The following TANC2 variants were observed in gnomAD, a reference collection of about 807,000 sequenced individuals.
TANC2 encodes protein TANC2.
In TANC2, 26 loss-of-function variants were observed where a neutral mutation model predicts 210.5. That is an observed-to-expected ratio of 0.12 (90% CI 0.09 to 0.17). The LOEUF (loss-of-function observed/expected upper bound fraction) is 0.17, where lower values mean the gene tolerates loss of function less well. Ranked by LOEUF, TANC2 falls within the 10% of genes least tolerant of loss-of-function variation. TANC2 has a pLI of 1.00. For missense variants in TANC2, 2,129 were observed against 2,608.9 expected (o/e 0.82, Z 4.01); for synonymous variants, 931 against 967.1 (o/e 0.96, Z 0.69).
At chr17:63,374,833 T>G (rs917367573) in intron 14 of TANC2, among the ~76,000 whole-genome samples, 2 of 152,076 alleles carry the variant, frequency 1.3e-5, no homozygotes, top group African/African-American at 4.8e-5. Flanking sequence ...AACTAGCAAA[T>G]AATTTTGAGC....
intron 10 of TANC2, among the ~76,000 whole-genome samples, chr17:63,318,446 C>T (rs144249938): frequency 0.015 from 2,318 of 152,278 alleles, 57 homozygotes; most frequent in African/African-American, 0.052. Flanking sequence ...AGGCCATTTT[C>T]ATCCCCTTAA....
chr17:63,391,279 C>T (rs538850154), intron 17 of TANC2: 23 of 152,334 alleles, frequency 1.5e-4, no homozygotes, highest in African/African-American at 5.3e-4. Context: ...GTCCTCTATA[C>T]TGGCTACATT....
intron 7 of TANC2, among the ~76,000 whole-genome samples, chr17:63,225,072 A>G (rs981470843): frequency 6.6e-6 from 1 of 152,098 alleles, no homozygotes; most frequent in African/African-American, 2.4e-5. Context: ...TCACAGACCC[A>G]TTGAAAGAAT....
At chr17:63,348,296 G>A (rs2046481880) in intron 12 of TANC2, among the ~76,000 whole-genome samples, 1 of 152,162 alleles carries the variant, frequency 6.6e-6, no homozygotes. Flanking sequence ...CACCTAGGTA[G>A]AGTCTTACAA....
At chr17:63,162,586 G>C (rs1294998953) in intron 5 of TANC2, among the ~76,000 whole-genome samples, 1 of 152,118 alleles carries the variant, frequency 6.6e-6, no homozygotes, top group Non-Finnish European at 1.5e-5. Context: ...GATGACAAAT[G>C]AGATAAAAAG....
exon 10 of TANC2, chr17:63,314,449 C>A (rs1473425667): frequency 1.2e-6 from 2 of 1,613,906 alleles, no homozygotes; most frequent in Admixed American, 3.3e-5. Flanking sequence ...TTGAAGTGCC[C>A]AGCATCACTA....
At chr17:63,390,410 G>A (rs999857321) in intron 17 of TANC2, 3 of 152,178 alleles carry the variant, frequency 2.0e-5, no homozygotes, top group African/African-American at 4.8e-5. Context: ...GAAGTTTACT[G>A]TAGCACAGTG....
intron 19 of TANC2, among the ~76,000 whole-genome samples, chr17:63,403,889 T>G (rs1392294336): frequency 6.6e-6 from 1 of 152,234 alleles, no homozygotes; most frequent in East Asian, 1.9e-4. Flanking sequence ...GTGGATAAAT[T>G]TGGCCAAGTC....
chr17:63,329,506 AAC>A (rs1207955250), intron 11 of TANC2, among the ~76,000 whole-genome samples: 9 of 152,250 alleles, frequency 5.9e-5, no homozygotes, highest in Admixed American at 2.6e-4. Context: ...GCTGTGGGAA[AAC>A]AGACACTCTC....
At chr17:63,329,475 A>G (rs2045762946) in intron 11 of TANC2, among the ~76,000 whole-genome samples, 1 of 152,226 alleles carries the variant, frequency 6.6e-6, no homozygotes, top group Non-Finnish European at 1.5e-5. Flanking sequence ...ATGACAATTT[A>G]AAAACTATTC....
At chr17:63,097,882 C>T (rs572747354) in intron 3 of TANC2, among the ~76,000 whole-genome samples, 1 of 152,258 alleles carries the variant, frequency 6.6e-6, no homozygotes, top group East Asian at 1.9e-4. Context: ...ACTCTCCATT[C>T]ATCATTTTAA....
intron 5 of TANC2, chr17:63,153,817 T>A (rs953274689): frequency 6.6e-6 from 1 of 152,156 alleles, no homozygotes; most frequent in Non-Finnish European, 1.5e-5. Context: ...AGAAATAGAC[T>A]TATATATTTT....
At chr17:63,182,401 A>C in intron 5 of TANC2, 1 of 242,540 alleles carries the variant, frequency 4.1e-6, no homozygotes, top group Non-Finnish European at 8.4e-6. Flanking sequence ...TAAATGGTGG[A>C]GGAGGAGTTG....
chr17:63,006,587 T>C (rs566144728), intron 1 of TANC2, among the ~76,000 whole-genome samples: 72 of 152,290 alleles, frequency 4.7e-4, no homozygotes, highest in African/African-American at 1.7e-3. Context: ...AAAAAAATAT[T>C]TACTTCTAGC....
At chr17:63,218,371 TA>T (rs949445923) in intron 7 of TANC2, among the ~76,000 whole-genome samples, 2 of 152,170 alleles carry the variant, frequency 1.3e-5, no homozygotes, top group African/African-American at 4.8e-5. Flanking sequence ...AATTCATACT[TA>T]ATGGTAAAAA....
intron 8 of TANC2, among the ~76,000 whole-genome samples, chr17:63,265,339 T>C (rs143022145): frequency 2.4e-4 from 37 of 152,284 alleles, no homozygotes; most frequent in African/African-American, 8.4e-4. Flanking sequence ...TCCCAGGTAT[T>C]TCAGGGAAGG....
chr17:63,211,149 A>G (rs2041873112), intron 7 of TANC2, among the ~76,000 whole-genome samples: 1 of 152,232 alleles, frequency 6.6e-6, no homozygotes, highest in Non-Finnish European at 1.5e-5. Flanking sequence ...CAGCAACCAA[A>G]GTAAATTAAT....
intron 7 of TANC2, among the ~76,000 whole-genome samples, chr17:63,223,972 A>C (rs1485955404): frequency 6.6e-6 from 1 of 152,176 alleles, no homozygotes; most frequent in African/African-American, 2.4e-5. Context: ...AATCAGAGGA[A>C]TATTTTACTA....
intron 5 of TANC2, among the ~76,000 whole-genome samples, chr17:63,175,514 G>A (rs1433772096): frequency 7.5e-6 from 1 of 134,080 alleles, no homozygotes; most frequent in Non-Finnish European, 1.5e-5. Flanking sequence ...GCGACGGAGT[G>A]AGACCCTGTC....
Sources: gnomAD v4.1 joint callset for allele counts (sites outside exome capture counted in the v4.1 genomes callset) on GRCh38, gnomAD v4.1.1 for gene constraint, MANE v1.5 for transcripts, NCBI Gene and HGNC (gene_info 2026-07-23, HGNC 2026-07-21) for gene names.